DPY19L1: variants seen among roughly 807,000 people sequenced by gnomAD.
The protein encoded by DPY19L1 is dpy-19 like C-mannosyltransferase 1.
DPY19L1 carries 35 observed loss-of-function variants against 96.9 expected under a neutral mutation model. The observed-to-expected ratio is 0.36, with a 90% CI of 0.28 to 0.48. The LOEUF is 0.48. Ranked by LOEUF, DPY19L1 falls within the 20% of genes least tolerant of loss-of-function variation. The pLI, the probability that DPY19L1 is intolerant of heterozygous loss-of-function variation, is 0.99. For synonymous variants in DPY19L1, 205 were observed against 252.6 expected (o/e 0.81, Z 1.79); for missense variants, 521 against 777.9 (o/e 0.67, Z 3.93).
At chr7:34,956,409 T>C (rs756409161) in intron 11 of DPY19L1, among the ~76,000 whole-genome samples, 1 of 152,112 alleles carries the variant, frequency 6.6e-6, no homozygotes, top group Non-Finnish European at 1.5e-5. Context: ...AAATATAGCA[T>C]CATGCTAATT....
At chr7:34,980,823 G>T (rs1299560386) in intron 7 of DPY19L1, among the ~76,000 whole-genome samples, 1 of 152,144 alleles carries the variant, frequency 6.6e-6, no homozygotes, top group Non-Finnish European at 1.5e-5. Context: ...GAAGAAACTG[G>T]AATTATCGTA....
intron 6 of DPY19L1, among the ~76,000 whole-genome samples, chr7:34,999,971 C>T (rs761326787): frequency 1.2e-4 from 19 of 152,274 alleles, no homozygotes; most frequent in Non-Finnish European, 2.2e-4. Flanking sequence ...AAGGGATACA[C>T]AGGGTGGGGA....
intron 6 of DPY19L1, among the ~76,000 whole-genome samples, chr7:34,996,347 C>T (rs1419988172): frequency 3.9e-5 from 6 of 152,158 alleles, no homozygotes; most frequent in Non-Finnish European, 7.3e-5. Flanking sequence ...ACACCACACT[C>T]CTCAACTCCT....
At position 35,007,824 on chromosome 7, in the gene DPY19L1, TGGG is replaced by T. The variant is rs1258248148; in HGVS notation, c.764+2641_764+2643del. Among the ~76,000 whole-genome samples, 3 of 152,116 alleles carry T rather than the reference TGGG, an allele frequency of 2.0e-5. No individual in the cohort carries two copies. In the East Asian group the frequency reaches 5.8e-4, roughly 29 times the overall value. Reference sequence around the variant, plus strand: ...GTAGTCACTGCTTGACTTTGGGGACTGGGGAAAGTCAAGTGTTCTATGAGATCA... The same window carrying T: ...GTAGTCACTGCTTGACTTTGGGGACTGAAAGTCAAGTGTTCTATGAGATCA... On this transcript the variant is annotated intron_variant, in intron 6 of 21. Coordinates refer to ENST00000638088, the MANE Select transcript of DPY19L1 (RefSeq NM_001366673.1).
At chr7:34,934,908 A>G (rs1317748307) in intron 21 of DPY19L1, among the ~76,000 whole-genome samples, 1 of 152,174 alleles carries the variant, frequency 6.6e-6, no homozygotes, top group African/African-American at 2.4e-5. Context: ...CCTGCTCTAG[A>G]GGCAACATTA....
At position 35,011,340 on chromosome 7, in the gene DPY19L1, T is replaced by C. The variant is rs554538073; in HGVS notation, c.660A>G (p.Glu220=). The C allele has an allele frequency of 1.9e-5, 31 of 1,612,232 alleles. No individual in the cohort carries two copies. In the South Asian group the frequency reaches 3.0e-4, roughly 15 times the overall value. ...CAGAAAGAAACTTACCTTCACAGCT[T>C]TCAATAGGACTGAGTCCTTCTCCTC... ...VTRGEGLSPI[E]SCEGLGDPAC... is the part of the protein sequence containing the mutation. Residue 220 remains glutamate, a synonymous_variant, in exon 5 of 22, where the codon GAA becomes GAG. Transcript: ENST00000638088.
chr7:34,957,899 C>T (rs1222589722), intron 11 of DPY19L1, 85 bp downstream of exon 11: 1 of 829,820 alleles, frequency 1.2e-6, no homozygotes, highest in South Asian at 1.7e-5. Flanking sequence ...CTACAGAAAA[C>T]CCTGATGAAT....
chr7:34,987,080 G>A (rs935918260), intron 7 of DPY19L1, among the ~76,000 whole-genome samples: 1 of 151,860 alleles, frequency 6.6e-6, no homozygotes, highest in Admixed American at 6.6e-5. Context: ...ACAGTATTCA[G>A]GTTTTTCTTA....
chr7:35,001,345 A>C (rs1785422481), intron 6 of DPY19L1, among the ~76,000 whole-genome samples: 1 of 152,226 alleles, frequency 6.6e-6, no homozygotes, highest in Admixed American at 6.5e-5. Flanking sequence ...CCATAAGCTA[A>C]GTTTTTCTTT....
At chr7:34,952,129 C>CAAA (rs554761873) in intron 13 of DPY19L1, among the ~76,000 whole-genome samples, 1 of 131,140 alleles carries the variant, frequency 7.6e-6, no homozygotes, top group African/African-American at 2.8e-5. Context: ...AAAAAGACCA[C>CAAA]AAAAAAAAAA....
chr7:34,983,675 GA>G (rs35027962), intron 7 of DPY19L1, among the ~76,000 whole-genome samples: 83,315 of 146,342 alleles, frequency 0.57, 23,384 homozygotes, highest in Admixed American at 0.7. Flanking sequence ...GGAATAGAGA[GA>G]AAAAAAAAAA....
intron 10 of DPY19L1, among the ~76,000 whole-genome samples, chr7:34,964,683 TTTC>T (rs1441397774): frequency 1.3e-5 from 2 of 152,198 alleles, no homozygotes; most frequent in African/African-American, 4.8e-5. Flanking sequence ...CATTTATTAA[TTTC>T]TTTTTAAAAG....
intron 6 of DPY19L1, among the ~76,000 whole-genome samples, chr7:35,009,678 G>C (rs2128677718): frequency 6.6e-6 from 1 of 152,204 alleles, no homozygotes; most frequent in Non-Finnish European, 1.5e-5. Context: ...ATTGACATTG[G>C]AAGAAGAACC....
At chr7:34,999,045 G>A (rs1785363101) in intron 6 of DPY19L1, among the ~76,000 whole-genome samples, 1 of 152,338 alleles carries the variant, frequency 6.6e-6, no homozygotes, top group South Asian at 2.1e-4. Context: ...AAGAAATGGA[G>A]AAGAGAATGT....
intron 5 of DPY19L1, 103 bp downstream of exon 5, chr7:35,011,227 G>T (rs1785702804): frequency 1.5e-6 from 2 of 1,317,500 alleles, no homozygotes; most frequent in African/African-American, 3.0e-5. Context: ...ATAATAAAAT[G>T]GGTGTTGTTT....
chr7:35,002,322 G>T (rs1482626399), intron 6 of DPY19L1, among the ~76,000 whole-genome samples: 1 of 151,676 alleles, frequency 6.6e-6, no homozygotes, highest in African/African-American at 2.4e-5. Flanking sequence ...AAACTTCTTG[G>T]AAATTAAAAG....
chr7:35,024,027 G>A (rs545332815), intron 1 of DPY19L1, among the ~76,000 whole-genome samples: 17 of 151,452 alleles, frequency 1.1e-4, no homozygotes, highest in Non-Finnish European at 2.2e-4. Flanking sequence ...TAGTAGAGAC[G>A]GGGTTTCACC....
At chr7:34,984,164 C>G (rs1261295520) in intron 7 of DPY19L1, among the ~76,000 whole-genome samples, 3 of 152,048 alleles carry the variant, frequency 2.0e-5, no homozygotes, top group South Asian at 2.1e-4. Flanking sequence ...GACTTATTGG[C>G]AGATCTTTAT....
intron 6 of DPY19L1, among the ~76,000 whole-genome samples, chr7:35,003,380 A>G (rs1192132365): frequency 6.6e-6 from 1 of 152,156 alleles, no homozygotes; most frequent in Admixed American, 6.5e-5. Flanking sequence ...GTACTGACTC[A>G]TGCCCAAAAT....
Sources: allele counts gnomAD v4.1 joint callset (sites outside exome capture counted in the v4.1 genomes callset), GRCh38; gene constraint gnomAD v4.1.1; transcripts MANE v1.5; gene names NCBI Gene and HGNC (gene_info 2026-07-23, HGNC 2026-07-21).